MARCHF1: variants seen among roughly 807,000 people sequenced by gnomAD.
MARCHF1 encodes the protein membrane associated ring-CH-type finger 1, also known as E3 ubiquitin-protein ligase MARCHF1.
Under a neutral mutation model 54.2 loss-of-function variants are expected in MARCHF1, and 40 were observed. The ratio of observed to expected loss-of-function variants is 0.74; its 90% CI spans 0.57 to 0.96. MARCHF1 has a LOEUF of 0.96. Among genes scored for constraint, MARCHF1 ranks in the 40% least tolerant of loss-of-function variants. The pLI is 0.00. For synonymous variants in MARCHF1, 236 were observed against 236.3 expected, an observed-to-expected ratio of 1.00 and a Z score of 0.01; for missense variants, 586 against 656.5, an observed-to-expected ratio of 0.89 and a Z score of 1.17.
chr4:163,885,814 G>C (rs1359351728), intron 3 of MARCHF1, among the ~76,000 whole-genome samples: 1 of 151,534 alleles, frequency 6.6e-6, no homozygotes, highest in Non-Finnish European at 1.5e-5. Context: ...GCTCACATTT[G>C]TAATCCCAGC....
intron 8 of MARCHF1, among the ~76,000 whole-genome samples, chr4:163,552,077 T>C (rs1209476018): frequency 6.6e-6 from 1 of 152,152 alleles, no homozygotes; most frequent in African/African-American, 2.4e-5. Flanking sequence ...AAAAAAACAT[T>C]TTCTCCCCTA....
intron 1 of MARCHF1, among the ~76,000 whole-genome samples, chr4:164,229,018 A>G: frequency 6.6e-6 from 1 of 152,194 alleles, no homozygotes; most frequent in East Asian, 1.9e-4. Flanking sequence ...ATTAGCGAAA[A>G]TTGGATGTTA....
intron 4 of MARCHF1, among the ~76,000 whole-genome samples, chr4:163,766,342 G>A (rs928366839): frequency 2.0e-5 from 3 of 152,082 alleles, no homozygotes; most frequent in Non-Finnish European, 4.4e-5. Flanking sequence ...ATGTAAATTA[G>A]AGAAGAGAAT....
chr4:163,957,806 T>A (rs1377697109), intron 3 of MARCHF1, among the ~76,000 whole-genome samples: 7 of 152,008 alleles, frequency 4.6e-5, no homozygotes, highest in East Asian at 3.9e-4. Flanking sequence ...TCTAACCAGC[T>A]CTCTGTACAT....
chr4:163,921,884 A>T (rs547444059), intron 3 of MARCHF1, among the ~76,000 whole-genome samples: 4 of 152,320 alleles, frequency 2.6e-5, no homozygotes, highest in African/African-American at 9.6e-5. Context: ...TACCCAAAGG[A>T]TTATAAATCA....
At chr4:164,067,479 G>A in intron 2 of MARCHF1, among the ~76,000 whole-genome samples, 1 of 152,200 alleles carries the variant, frequency 6.6e-6, no homozygotes, top group East Asian at 1.9e-4. Flanking sequence ...CAAGCAATGA[G>A]AAGAGGACTC....
chr4:164,382,753 A>G (rs2110994477), intron 1 of MARCHF1, among the ~76,000 whole-genome samples: 1 of 152,296 alleles, frequency 6.6e-6, no homozygotes, highest in South Asian at 2.1e-4. Flanking sequence ...GCAAAAAGCC[A>G]GGGGGTTGGG....
At chr4:164,021,868 TA>T (rs961231184) in intron 2 of MARCHF1, among the ~76,000 whole-genome samples, 5 of 112,894 alleles carry the variant, frequency 4.4e-5, no homozygotes, top group African/African-American at 1.8e-4. Context: ...AAAAAAAAAT[TA>T]TATATATATA....
intron 4 of MARCHF1, among the ~76,000 whole-genome samples, chr4:163,742,673 T>C (rs1212940806): frequency 6.6e-6 from 1 of 151,934 alleles, no homozygotes; most frequent in Non-Finnish European, 1.5e-5. Flanking sequence ...AGACAGGGTC[T>C]CATTATGTTG....
In MARCHF1 at chr4:164,343,077, T is replaced by C. The variant is rs111594596; in HGVS notation, c.-323+40793A>G. 1.3e-3 allele frequency among the ~76,000 whole-genome samples: 201 copies of C among 152,278 alleles called. 1 individual carries two copies. The highest frequency in any genetic ancestry group is 6.8e-3 in the Middle Eastern group (2 of 294). ...GATCTAACGTACAGCTTGATGTTTATAGTTAATAATAATGTATTTTTTACT... is the reference window on the plus strand; with the variant it reads ...GATCTAACGTACAGCTTGATGTTTACAGTTAATAATAATGTATTTTTTACT... On this transcript the variant is annotated intron_variant, in intron 1 of 9. Transcript: ENST00000514618.
intron 2 of MARCHF1, among the ~76,000 whole-genome samples, chr4:164,015,404 G>T (rs1364846395): frequency 6.6e-6 from 1 of 152,064 alleles, no homozygotes; most frequent in Non-Finnish European, 1.5e-5. Context: ...GCAAACATTT[G>T]TTGAGTAACA....
intron 2 of MARCHF1, among the ~76,000 whole-genome samples, chr4:164,018,224 A>T (rs2110960646): frequency 1.3e-5 from 2 of 152,008 alleles, no homozygotes; most frequent in South Asian, 4.1e-4. Context: ...CATAGGATAA[A>T]TTTTTTTGGC....
intron 5 of MARCHF1, among the ~76,000 whole-genome samples, chr4:163,631,052 T>C (rs959170705): frequency 1.3e-5 from 2 of 152,208 alleles, no homozygotes; most frequent in African/African-American, 4.8e-5. Context: ...CCCAGTTTCA[T>C]AGAATATCAA....
intron 1 of MARCHF1, among the ~76,000 whole-genome samples, chr4:164,185,537 A>C (rs1219872675): frequency 6.6e-6 from 1 of 152,146 alleles, no homozygotes; most frequent in Non-Finnish European, 1.5e-5. Context: ...GAGAGACATA[A>C]GGATTGTTGA....
intron 2 of MARCHF1, among the ~76,000 whole-genome samples, chr4:164,001,176 G>A (rs4365681): frequency 0.03 from 4,576 of 151,656 alleles, 86 homozygotes; most frequent in Middle Eastern, 0.048. Context: ...AAATTAATTC[G>A]AAAACCATTT....
At chr4:163,591,537 T>C (rs999559337) in intron 7 of MARCHF1, among the ~76,000 whole-genome samples, 10 of 152,154 alleles carry the variant, frequency 6.6e-5, no homozygotes, top group Admixed American at 1.3e-4. Context: ...AGGATCTTTT[T>C]GTGGATTTGT....
At chr4:164,234,458 T>C (rs1579644934) in intron 1 of MARCHF1, among the ~76,000 whole-genome samples, 1 of 152,130 alleles carries the variant, frequency 6.6e-6, no homozygotes, top group African/African-American at 2.4e-5. Context: ...AAGACCTTGT[T>C]TTATTCAGTG....
intron 1 of MARCHF1, among the ~76,000 whole-genome samples, chr4:164,214,963 G>A (rs1404942389): frequency 6.6e-6 from 1 of 152,156 alleles, no homozygotes; most frequent in Admixed American, 6.5e-5. Flanking sequence ...CAGGCTGTGG[G>A]GCTCTGACCC....
At chr4:164,279,570 GTGA>G (rs1733973151) in intron 1 of MARCHF1, among the ~76,000 whole-genome samples, 1 of 151,598 alleles carries the variant, frequency 6.6e-6, no homozygotes, top group South Asian at 2.1e-4. Context: ...AATATTTGAG[GTGA>G]TGGATATGCT....
Sources: gnomAD v4.1 joint callset for allele counts (sites outside exome capture counted in the v4.1 genomes callset) on GRCh38, gnomAD v4.1.1 for gene constraint, MANE v1.5 for transcripts, NCBI Gene and HGNC (gene_info 2026-07-23, HGNC 2026-07-21) for gene names.